MSRA: variants seen among roughly 807,000 people sequenced by gnomAD.
MSRA encodes the protein mitochondrial peptide methionine sulfoxide reductase.
MSRA carries 54 observed loss-of-function variants against 31.3 expected under a neutral mutation model. That is an observed-to-expected ratio of 1.73 (90% CI 1.39 to 2.17). MSRA has a LOEUF of 2.17. Among genes scored for constraint, MSRA ranks in the 30% most tolerant of loss-of-function variants. The pLI, the probability that MSRA is intolerant of heterozygous loss-of-function variation, is 0.00. For missense variants in MSRA, 507 were observed against 300.9 expected, an observed-to-expected ratio of 1.69 and a Z score of -5.07; for synonymous variants, 169 against 116.5, an observed-to-expected ratio of 1.45 and a Z score of -2.90.
At chr8:10,425,761 C>T (rs1199139070) in intron 5 of MSRA, among the ~76,000 whole-genome samples, 5 of 152,264 alleles carry the variant, frequency 3.3e-5, no homozygotes, top group Admixed American at 6.5e-5. Context: ...GGCAAGAGCA[C>T]ACCCGGGCTC....
rs796107701 is a variant in MSRA at position 10,096,123 on chromosome 8, A to T, written c.142+41465A>T. On this transcript the variant is annotated intron_variant, in intron 1 of 5. Coordinates refer to ENST00000317173, the MANE Select transcript of MSRA (RefSeq NM_012331.5). The stretch of plus-strand genomic sequence containing the variant: ...TTTCAAGGAGCCTTTCTAAGATTTT[A>T]TGCAGCCCAGCCAGGAAGTCAGAGT... 7 of 1,277,916 alleles carry T rather than the reference A, an allele frequency of 5.5e-6. No individual in the cohort carries two copies. The South Asian group carries it at 1.1e-4, about 19-fold the overall frequency. 79.2% of individuals were successfully genotyped at this position (1,277,916 alleles called of 1,614,324 possible).
In MSRA at chr8:10,158,699, A is replaced by T. The variant is rs955544912; in HGVS notation, c.143-49134A>T. On this transcript the variant is annotated intron_variant, in intron 1 of 5. Transcript: ENST00000317173. Reference sequence around the variant, plus strand: ...ATAATGATGCTGTGAATATTTGTGTACAGTTTTTTTTGTGTAGACACGTTT... The same window carrying T: ...ATAATGATGCTGTGAATATTTGTGTTCAGTTTTTTTTGTGTAGACACGTTT... 6.6e-5 allele frequency among the ~76,000 whole-genome samples: 10 copies of T among 152,102 alleles called. No homozygotes were observed. The South Asian group carries it at 1.0e-3, about 16-fold the overall frequency.
At chr8:10,161,868 T>C (rs1282877269) in intron 1 of MSRA, among the ~76,000 whole-genome samples, 2 of 151,600 alleles carry the variant, frequency 1.3e-5, no homozygotes, top group African/African-American at 4.8e-5. Context: ...TCACCCCATC[T>C]CTCCCCGCCT....
intron 1 of MSRA, among the ~76,000 whole-genome samples, chr8:10,152,026 G>T (rs1803722858): frequency 6.6e-6 from 1 of 152,196 alleles, no homozygotes; most frequent in Admixed American, 6.5e-5. Flanking sequence ...TGCTTCTGAA[G>T]TAGTTTCTTA....
At chr8:10,073,587 C>G (rs1053677634) in intron 1 of MSRA, among the ~76,000 whole-genome samples, 7 of 151,898 alleles carry the variant, frequency 4.6e-5, no homozygotes, top group African/African-American at 7.3e-5. Context: ...CTTCCTATCT[C>G]TTGATATTCT....
intron 1 of MSRA, chr8:10,096,287 A>T: frequency 8.8e-7 from 1 of 1,140,200 alleles, no homozygotes; most frequent in Non-Finnish European, 1.1e-6. Flanking sequence ...AGCTGAAGAC[A>T]CCAGACTTCG....
chr8:10,175,527 T>G (rs1290932461), intron 1 of MSRA, among the ~76,000 whole-genome samples: 2 of 152,214 alleles, frequency 1.3e-5, no homozygotes, highest in Non-Finnish European at 2.9e-5. Flanking sequence ...TAAAAGTAAT[T>G]ATGCTGGGTG....
chr8:10,057,127 C>A (rs901722832), intron 1 of MSRA, among the ~76,000 whole-genome samples: 1 of 152,140 alleles, frequency 6.6e-6, no homozygotes, highest in Non-Finnish European at 1.5e-5. Flanking sequence ...TCCCAGGCTA[C>A]CTAAAATGGA....
At chr8:10,278,215 G>C (rs1799427435) in intron 3 of MSRA, among the ~76,000 whole-genome samples, 1 of 152,152 alleles carries the variant, frequency 6.6e-6, no homozygotes, top group Non-Finnish European at 1.5e-5. Context: ...CACTTGGTCT[G>C]AGTAGAAGGA....
intron 1 of MSRA, among the ~76,000 whole-genome samples, chr8:10,109,154 T>C (rs1800100887): frequency 6.6e-6 from 1 of 152,176 alleles, no homozygotes; most frequent in Non-Finnish European, 1.5e-5. Context: ...GTCCAGGAGA[T>C]AAAATGCATA....
At chr8:10,251,862 G>C (rs1004116875) in intron 3 of MSRA, among the ~76,000 whole-genome samples, 2 of 81,950 alleles carry the variant, frequency 2.4e-5, no homozygotes, top group Non-Finnish European at 6.7e-5. Context: ...TTGACATGGT[G>C]GGGGGGGGGG....
intron 2 of MSRA, among the ~76,000 whole-genome samples, chr8:10,228,544 T>A (rs1237016747): frequency 1.3e-5 from 2 of 152,224 alleles, no homozygotes; most frequent in Non-Finnish European, 2.9e-5. Context: ...TCAAACCCTG[T>A]GTCTGCACGG....
At chr8:10,175,611 A>G (rs939248063) in intron 1 of MSRA, among the ~76,000 whole-genome samples, 4 of 152,222 alleles carry the variant, frequency 2.6e-5, no homozygotes, top group African/African-American at 9.6e-5. Flanking sequence ...TGTCTCATTG[A>G]CATTTATACT....
chr8:10,349,605 C>T (rs1190992426), intron 5 of MSRA, among the ~76,000 whole-genome samples: 3 of 152,252 alleles, frequency 2.0e-5, no homozygotes, highest in East Asian at 1.9e-4. Flanking sequence ...TCCCCTGGCT[C>T]ATGCCTCAAT....
intron 1 of MSRA, among the ~76,000 whole-genome samples, chr8:10,140,074 C>T (rs955283507): frequency 3.3e-5 from 5 of 152,156 alleles, no homozygotes; most frequent in Non-Finnish European, 7.4e-5. Context: ...ACAGGGAAAC[C>T]TGTGTATTGT....
chr8:10,418,845 A>C (rs1808639596), intron 5 of MSRA, among the ~76,000 whole-genome samples: 1 of 2,984 alleles, frequency 3.4e-4, no homozygotes, highest in African/African-American at 4.1e-4. Flanking sequence ...AAAACCAACA[A>C]AAAAAAAAAA....
At chr8:10,371,743 T>C (rs1038274023) in intron 5 of MSRA, among the ~76,000 whole-genome samples, 1 of 152,130 alleles carries the variant, frequency 6.6e-6, no homozygotes. Flanking sequence ...GTTCCTACCA[T>C]GCAAGCATAA....
intron 5 of MSRA, among the ~76,000 whole-genome samples, chr8:10,427,263 A>G (rs1585760433): frequency 6.6e-6 from 1 of 152,208 alleles, no homozygotes. Context: ...AGCCTGCAAC[A>G]GGAAAGAATT....
chr8:10,252,726 G>A (rs1041375204), intron 3 of MSRA, among the ~76,000 whole-genome samples: 3 of 152,212 alleles, frequency 2.0e-5, no homozygotes, highest in Non-Finnish European at 4.4e-5. Context: ...ATGGGCTGCA[G>A]ACCTTACATA....
Sources: gnomAD v4.1 joint callset for allele counts (sites outside exome capture counted in the v4.1 genomes callset) on GRCh38, gnomAD v4.1.1 for gene constraint, MANE v1.5 for transcripts, NCBI Gene and HGNC (gene_info 2026-07-23, HGNC 2026-07-21) for gene names.